Variants in ACER3 observed in about 807,000 individuals in gnomAD.
The protein encoded by ACER3 is alkCDase 3.
A neutral mutation model predicts 48.9 loss-of-function variants in ACER3; 16 were observed. The observed-to-expected ratio is 0.33, with a 90% CI of 0.22 to 0.50. The LOEUF is 0.50. ACER3 is among the 20% of genes least tolerant of loss of function. The probability of loss-of-function intolerance (pLI) is 0.98; values close to 1 mark genes in which losing one functional copy is unlikely to be tolerated. For missense variants in ACER3, 227 were observed against 326.0 expected (o/e 0.70, Z 2.34); for synonymous variants, 109 against 107.8 (o/e 1.01, Z -0.07).
chr11:77,013,300 T>C (rs1555022613), intron 7 of ACER3, among the ~76,000 whole-genome samples: 1 of 152,154 alleles, frequency 6.6e-6, no homozygotes, highest in African/African-American at 2.4e-5. Flanking sequence ...CTTCAAAATA[T>C]AGTATTCAGA....
intron 1 of ACER3, among the ~76,000 whole-genome samples, chr11:76,904,426 C>T (rs546406344): frequency 6.6e-6 from 1 of 152,204 alleles, no homozygotes; most frequent in African/African-American, 2.4e-5. Flanking sequence ...CCCTGCCACC[C>T]CCCATAAAGA....
At chr11:76,865,991 G>GTTTT (rs201031925) in intron 1 of ACER3, among the ~76,000 whole-genome samples, 1 of 128,242 alleles carries the variant, frequency 7.8e-6, no homozygotes, top group Non-Finnish European at 1.7e-5. Flanking sequence ...TTTGTTTTTT[G>GTTTT]TTTTTTTTTT....
chr11:76,861,447 C>T (rs932747954), intron 1 of ACER3, among the ~76,000 whole-genome samples: 3 of 152,008 alleles, frequency 2.0e-5, no homozygotes, highest in African/African-American at 7.2e-5. Context: ...GGACCCTGCC[C>T]CTTGGAATGA....
At chr11:76,994,260 G>T (rs1483163227) in intron 6 of ACER3, 2 of 447,206 alleles carry the variant, frequency 4.5e-6, no homozygotes, top group Non-Finnish European at 8.9e-6. Flanking sequence ...CACCCAGGTA[G>T]CTGGGACTAC....
intron 2 of ACER3, among the ~76,000 whole-genome samples, chr11:76,946,583 G>A (rs1269230619): frequency 6.6e-6 from 1 of 152,208 alleles, no homozygotes. Context: ...GGTAAGCAGT[G>A]TGAGCTAGAG....
intron 2 of ACER3, among the ~76,000 whole-genome samples, chr11:76,954,611 C>CT (rs11406980): frequency 0.68 from 98,419 of 144,906 alleles, 33,687 homozygotes; most frequent in Non-Finnish European, 0.74. Context: ...TTGTTTTTTG[C>CT]TTTTTTTTTG....
At chr11:76,997,592 T>A (rs1347361313) in intron 6 of ACER3, among the ~76,000 whole-genome samples, 1 of 152,176 alleles carries the variant, frequency 6.6e-6, no homozygotes, top group African/African-American at 2.4e-5. Context: ...CCAGAGCTAT[T>A]CATATACATA....
At chr11:76,861,764 C>A (rs116528129) in intron 1 of ACER3, among the ~76,000 whole-genome samples, 115 of 152,336 alleles carry the variant, frequency 7.5e-4, no homozygotes, top group African/African-American at 2.6e-3. Context: ...CCCTGCCAGG[C>A]TCCCAAGAGC....
intron 3 of ACER3, among the ~76,000 whole-genome samples, chr11:76,967,194 A>G (rs1948161759): frequency 6.6e-6 from 1 of 152,204 alleles, no homozygotes; most frequent in South Asian, 2.1e-4. Context: ...ATGCCAATAA[A>G]CTAGAAAATC....
At chr11:76,896,082 C>A (rs1006993046) in intron 1 of ACER3, among the ~76,000 whole-genome samples, 1 of 152,142 alleles carries the variant, frequency 6.6e-6, no homozygotes, top group African/African-American at 2.4e-5. Flanking sequence ...GTTCCCATAT[C>A]TGGAACCATT....
At chr11:76,970,290 G>A (rs1201216530) in intron 3 of ACER3, among the ~76,000 whole-genome samples, 1 of 152,096 alleles carries the variant, frequency 6.6e-6, no homozygotes, top group Non-Finnish European at 1.5e-5. Context: ...TTTATTTTTG[G>A]TTTACATATG....
At position 76,865,285 on chromosome 11, in the gene ACER3, G is replaced by A. The variant is rs538151160; in HGVS notation, c.103+4206G>A. Among the ~76,000 whole-genome samples the A allele has an allele frequency of 4.0e-5, 6 of 150,912 alleles. No homozygotes were observed. In the East Asian group the frequency reaches 5.9e-4, roughly 15 times the overall value. On this transcript the variant is annotated intron_variant, in intron 1 of 10. Coordinates refer to ENST00000532485, the MANE Select transcript of ACER3 (RefSeq NM_018367.7). Reference sequence around the variant, plus strand: ...TAGGCATGAGCCACCATGCCCAGCCGGGATGAGTACTATCCCTTCATGAAT... The same window carrying A: ...TAGGCATGAGCCACCATGCCCAGCCAGGATGAGTACTATCCCTTCATGAAT...
chr11:76,865,097 C>T lies in ACER3; in HGVS notation c.103+4018C>T, dbSNP rs541042980. ...CAAGTGATCCTGCCACCTCAGTACC[C>T]CATAGCTGGGACTACAGGCGTGTGC... On this transcript the variant is annotated intron_variant, in intron 1 of 10. Coordinates refer to ENST00000532485, the MANE Select transcript of ACER3 (RefSeq NM_018367.7). Among the ~76,000 whole-genome samples, 7 of 151,478 alleles carry T rather than the reference C, an allele frequency of 4.6e-5. No individual in the cohort carries two copies. In the East Asian group the frequency reaches 1.4e-3, roughly 30 times the overall value.
intron 2 of ACER3, among the ~76,000 whole-genome samples, chr11:76,935,267 T>G (rs1442971957): frequency 2.6e-5 from 4 of 152,018 alleles, no homozygotes; most frequent in African/African-American, 9.7e-5. Flanking sequence ...AGATCCAACG[T>G]GCATATAATT....
rs570541247 is a variant in ACER3, at chr11:77,002,496, G to C, written c.497+3675G>C. On this transcript the variant is annotated intron_variant, in intron 7 of 10. Transcript: ENST00000532485. ...TTTATATATTCTGAATTCTTCACTTGTTAATATTTTGTTAAGGATTTTTGT... is the reference window on the plus strand; with the variant it reads ...TTTATATATTCTGAATTCTTCACTTCTTAATATTTTGTTAAGGATTTTTGT... Among the ~76,000 whole-genome samples, 8 of 152,218 alleles carry C rather than the reference G, an allele frequency of 5.3e-5. No individual in the cohort carries two copies. The South Asian group carries it at 1.2e-3, about 24-fold the overall frequency.
chr11:76,872,675 A>G (rs1945271266), intron 1 of ACER3, among the ~76,000 whole-genome samples: 1 of 152,180 alleles, frequency 6.6e-6, no homozygotes, highest in Non-Finnish European at 1.5e-5. Context: ...TTAATGGGTT[A>G]CCATATCACA....
At chr11:76,974,257 A>G (rs184401068) in intron 3 of ACER3, among the ~76,000 whole-genome samples, 2 of 152,250 alleles carry the variant, frequency 1.3e-5, no homozygotes, top group East Asian at 3.9e-4. Flanking sequence ...GGTAGATGGA[A>G]CACGTTTTCA....
intron 7 of ACER3, among the ~76,000 whole-genome samples, chr11:77,004,984 G>A (rs1307172391): frequency 1.3e-5 from 2 of 150,250 alleles, no homozygotes; most frequent in Admixed American, 6.6e-5. Context: ...TGTTCTCTCT[G>A]GTTTTTTGCT....
intron 2 of ACER3, among the ~76,000 whole-genome samples, chr11:76,928,962 A>G (rs1415708167): frequency 1.3e-5 from 2 of 152,166 alleles, no homozygotes; most frequent in Non-Finnish European, 2.9e-5. Context: ...TTAGTTCCAT[A>G]TGAACTTTAA....
Sources: allele counts gnomAD v4.1 joint callset (sites outside exome capture counted in the v4.1 genomes callset), GRCh38; gene constraint gnomAD v4.1.1; transcripts MANE v1.5; gene names NCBI Gene and HGNC (gene_info 2026-07-23, HGNC 2026-07-21).